Variants in NBDY observed in about 807,000 individuals in gnomAD.
NBDY encodes negative regulator of P-body association.
chrX:56,805,288 G>A (rs2069843179), intron 2 of NBDY, among the ~76,000 whole-genome samples: 1 of 112,519 alleles, frequency 8.9e-6, no homozygotes, highest in Non-Finnish European at 1.9e-5. Flanking sequence ...CTTCGGGGTG[G>A]CATTGGGAGT....
chrX:56,743,489 C>A (rs966653533), intron 2 of NBDY, among the ~76,000 whole-genome samples: 1 of 110,415 alleles, frequency 9.1e-6, no homozygotes, highest in African/African-American at 3.3e-5. Context: ...TTTGGATTAT[C>A]TTCATGGTTC....
At chrX:56,767,478 G>A (rs1391521949) in intron 2 of NBDY, among the ~76,000 whole-genome samples, 2 of 113,198 alleles carry the variant, frequency 1.8e-5, no homozygotes, top group Middle Eastern at 4.6e-3. Flanking sequence ...CTCAGCTTGC[G>A]GGGAGGTGTG....
At chrX:56,737,394 G>T (rs746881612) in intron 2 of NBDY, 1 of 643,213 alleles carries the variant, frequency 1.6e-6, no homozygotes, top group Non-Finnish European at 2.6e-6. Context: ...CTCTTAATGT[G>T]ACACATCCTG....
chrX:56,731,289 T>C (rs963383476), intron 1 of NBDY, among the ~76,000 whole-genome samples: 4 of 108,753 alleles, frequency 3.7e-5, no homozygotes, highest in Admixed American at 9.9e-5. Context: ...CCGGGCGCAG[T>C]GGCTCACGCC....
chrX:56,791,777 T>A (rs2069764821), intron 2 of NBDY, among the ~76,000 whole-genome samples: 1 of 110,701 alleles, frequency 9.0e-6, no homozygotes, highest in Non-Finnish European at 1.9e-5. Flanking sequence ...CTCCTCCTAC[T>A]TTTTTTCTTT....
At chrX:56,801,084 T>A (rs1248503412) in intron 2 of NBDY, among the ~76,000 whole-genome samples, 2 of 112,035 alleles carry the variant, frequency 1.8e-5, no homozygotes, top group Non-Finnish European at 3.8e-5. Flanking sequence ...GTAGCTTCTC[T>A]AGGCCTACTT....
At chrX:56,738,248 C>T (rs753219945) in intron 2 of NBDY, among the ~76,000 whole-genome samples, 2 of 112,173 alleles carry the variant, frequency 1.8e-5, no homozygotes, top group South Asian at 7.4e-4. Context: ...TCATTATATT[C>T]TCACAACCCC....
At chrX:56,781,447 A>T (rs1055563758) in intron 2 of NBDY, among the ~76,000 whole-genome samples, 2 of 111,193 alleles carry the variant, frequency 1.8e-5, no homozygotes, top group African/African-American at 3.3e-5. Context: ...CGCGGTACAG[A>T]CCCGGGATTT....
At chrX:56,766,935 C>CGCTGAG (rs1214378669) in intron 2 of NBDY, among the ~76,000 whole-genome samples, 5 of 112,461 alleles carry the variant, frequency 4.4e-5, no homozygotes, top group Admixed American at 1.9e-4. Context: ...TGAATGTCCC[C>CGCTGAG]GCTGAGGGAG....
At position 56,734,951 on chromosome X, in the gene NBDY, C is replaced by T. The variant is rs762865506; in HGVS notation, c.*166+2752C>T. Among the ~76,000 whole-genome samples, 13 of 112,078 alleles carry T rather than the reference C, an allele frequency of 1.2e-4. 1 individual carries two copies. In the South Asian group the frequency reaches 4.8e-3, roughly 41 times the overall value. On this transcript the variant is annotated intron_variant, in intron 2 of 2. Transcript: ENST00000374922. ...TATCTTAGGGCCAAAGAAACTGAAGCACGGAGAGGTTAAATTGTATTCCTA... is the reference window on the plus strand; with the variant it reads ...TATCTTAGGGCCAAAGAAACTGAAGTACGGAGAGGTTAAATTGTATTCCTA...
intron 2 of NBDY, among the ~76,000 whole-genome samples, chrX:56,763,047 C>A (rs950392483): frequency 1.8e-5 from 2 of 112,586 alleles, no homozygotes; most frequent in African/African-American, 6.5e-5. Context: ...GAACAGGAGA[C>A]AGGGGAGAAT....
At chrX:56,751,217 C>A (rs1462036435) in intron 2 of NBDY, among the ~76,000 whole-genome samples, 1 of 110,563 alleles carries the variant, frequency 9.0e-6, no homozygotes, top group Non-Finnish European at 1.9e-5. Context: ...ACATTTGACT[C>A]CCTCTAACAT....
intron 2 of NBDY, among the ~76,000 whole-genome samples, chrX:56,799,875 C>T (rs2069813424): frequency 8.9e-6 from 1 of 112,233 alleles, no homozygotes; most frequent in Admixed American, 9.4e-5. Context: ...GTGATGTCTG[C>T]CTCTCCTACC....
At chrX:56,766,745 A>C (rs992098840) in intron 2 of NBDY, among the ~76,000 whole-genome samples, 1 of 111,918 alleles carries the variant, frequency 8.9e-6, no homozygotes, top group Non-Finnish European at 1.9e-5. Flanking sequence ...AGCAGGCATG[A>C]AACTGGAGCA....
chrX:56,757,579 C>T (rs930704772), intron 2 of NBDY, among the ~76,000 whole-genome samples: 7 of 111,649 alleles, frequency 6.3e-5, no homozygotes, highest in Admixed American at 2.9e-4. Context: ...AGGGCTCCCC[C>T]CACTTGACCA....
chrX:56,783,577 T>C (rs2069709155), intron 2 of NBDY, among the ~76,000 whole-genome samples: 1 of 112,233 alleles, frequency 8.9e-6, no homozygotes, highest in Non-Finnish European at 1.9e-5. Context: ...GCGGTTCCAA[T>C]GGCAGGTACG....
chrX:56,792,642 G>A (rs1020515532), intron 2 of NBDY, among the ~76,000 whole-genome samples: 6 of 111,078 alleles, frequency 5.4e-5, no homozygotes, highest in Non-Finnish European at 9.4e-5. Flanking sequence ...CACTAGCAAA[G>A]GGGTGTGAGC....
At chrX:56,796,675 T>C (rs750371168) in intron 2 of NBDY, among the ~76,000 whole-genome samples, 1 of 111,452 alleles carries the variant, frequency 9.0e-6, no homozygotes, top group East Asian at 2.8e-4. Flanking sequence ...CCTCTCTTTT[T>C]GGGGGTCCTT....
intron 2 of NBDY, among the ~76,000 whole-genome samples, chrX:56,763,802 T>C (rs887251431): frequency 1.8e-5 from 2 of 112,530 alleles, no homozygotes; most frequent in African/African-American, 6.5e-5. Context: ...AGGTGACTGA[T>C]TCCTTTCACT....
Sources: allele counts gnomAD v4.1 joint callset (sites outside exome capture counted in the v4.1 genomes callset), GRCh38; gene constraint gnomAD v4.1.1; transcripts MANE v1.5; gene names NCBI Gene and HGNC (gene_info 2026-07-23, HGNC 2026-07-21).